Variants in FAM81A observed in about 807,000 individuals in gnomAD.
FAM81A encodes the protein protein FAM81A.
Under a neutral mutation model 46.7 loss-of-function variants are expected in FAM81A, and 19 were observed. The observed-to-expected ratio is 0.41, with a 90% CI of 0.28 to 0.60. FAM81A has a LOEUF of 0.60. FAM81A is among the 20% of genes least tolerant of loss of function. FAM81A has a pLI of 0.34. For missense variants in FAM81A, 377 were observed against 453.5 expected, an observed-to-expected ratio of 0.83 and a Z score of 1.53; for synonymous variants, 183 against 152.9, an observed-to-expected ratio of 1.20 and a Z score of -1.45.
intron 2 of FAM81A, chr15:59,402,388 C>G (rs2081075024): frequency 6.5e-6 from 1 of 152,894 alleles, no homozygotes; most frequent in South Asian, 2.1e-4. Flanking sequence ...GGAGAGTCTG[C>G]TTGTATTCTT....
At chr15:59,422,979 A>T (rs537178581) in intron 2 of FAM81A, among the ~76,000 whole-genome samples, 1 of 152,350 alleles carries the variant, frequency 6.6e-6, no homozygotes, top group Admixed American at 6.5e-5. Flanking sequence ...TAATGATAAT[A>T]ATGATAGTAA....
intron 1 of FAM81A, among the ~76,000 whole-genome samples, chr15:59,441,406 T>C (rs1201822280): frequency 6.6e-6 from 1 of 152,268 alleles, no homozygotes; most frequent in Non-Finnish European, 1.5e-5. Context: ...GTGTGGCTAG[T>C]ATGACTGAGG....
At chr15:59,451,564 T>C (rs1596480990) in intron 1 of FAM81A, among the ~76,000 whole-genome samples, 1 of 152,280 alleles carries the variant, frequency 6.6e-6, no homozygotes, top group East Asian at 1.9e-4. Context: ...GTGATTCTTC[T>C]GCCTGAGCCT....
chr15:59,491,232 A>G (rs547046915), intron 3 of FAM81A, among the ~76,000 whole-genome samples: 2 of 152,366 alleles, frequency 1.3e-5, no homozygotes, highest in African/African-American at 4.8e-5. Context: ...ATTCAGCCGT[A>G]AGAAAGAATG....
At chr15:59,509,943 A>G (rs2082187525) in intron 6 of FAM81A, among the ~76,000 whole-genome samples, 1 of 152,196 alleles carries the variant, frequency 6.6e-6, no homozygotes, top group African/African-American at 2.4e-5. Context: ...AGACAGAGTG[A>G]GAAGGCCCAA....
At chr15:59,487,502 CAAACTT>C in intron 3 of FAM81A, among the ~76,000 whole-genome samples, 1 of 151,196 alleles carries the variant, frequency 6.6e-6, no homozygotes, top group Non-Finnish European at 1.5e-5. Context: ...AACAAATTGA[CAAACTT>C]TAGCTAGACT....
At chr15:59,497,636 G>A (rs1215652031) in intron 4 of FAM81A, among the ~76,000 whole-genome samples, 8 of 151,968 alleles carry the variant, frequency 5.3e-5, no homozygotes, top group African/African-American at 1.7e-4. Context: ...TAGGAGGATT[G>A]CTTGAGGCCA....
chr15:59,475,899 T>C (rs1031617058), intron 3 of FAM81A, among the ~76,000 whole-genome samples: 2 of 152,166 alleles, frequency 1.3e-5, no homozygotes, highest in Non-Finnish European at 1.5e-5. Context: ...TAAAATGAAA[T>C]CATGATTGTC....
chr15:59,471,583 C>T (rs549601055), intron 3 of FAM81A, among the ~76,000 whole-genome samples: 1 of 152,178 alleles, frequency 6.6e-6, no homozygotes, highest in African/African-American at 2.4e-5. Flanking sequence ...CCACTTCAGC[C>T]TCTAAGTAGC....
At chr15:59,487,900 A>G (rs1034582029) in intron 3 of FAM81A, among the ~76,000 whole-genome samples, 2 of 152,178 alleles carry the variant, frequency 1.3e-5, no homozygotes, top group Admixed American at 6.5e-5. Context: ...AACTCATTCT[A>G]TGAGGCCAGT....
intron 2 of FAM81A, among the ~76,000 whole-genome samples, chr15:59,423,333 C>G (rs1354983916): frequency 6.6e-6 from 1 of 152,170 alleles, no homozygotes; most frequent in African/African-American, 2.4e-5. Flanking sequence ...CTCCTCACCT[C>G]GTGATCCGCC....
At chr15:59,480,846 A>C (rs1203473446) in intron 3 of FAM81A, among the ~76,000 whole-genome samples, 1 of 152,194 alleles carries the variant, frequency 6.6e-6, no homozygotes, top group Non-Finnish European at 1.5e-5. Context: ...CAAAGGAATT[A>C]CTTTTCTAAG....
At chr15:59,493,037 C>T (rs1463151901) in intron 4 of FAM81A, among the ~76,000 whole-genome samples, 3 of 152,114 alleles carry the variant, frequency 2.0e-5, no homozygotes, top group Admixed American at 1.3e-4. Context: ...CAAATTTGTC[C>T]GAAGTATTTA....
rs140893391 is a variant in FAM81A at position 59,487,979 on chromosome 15, A to G, written c.295-4292A>G. 4.0e-3 allele frequency among the ~76,000 whole-genome samples: 602 copies of G among 152,238 alleles called. 7 individuals are homozygous for G. Among genetic ancestry groups the G allele is most frequent in the African/African-American group, 0.014 (591 of 41,562 alleles). ...ACAACAACAAAAAAACAAAAAACCTACAGGCCAATATCCCTGTTGAACACT... is the reference window on the plus strand; with the variant it reads ...ACAACAACAAAAAAACAAAAAACCTGCAGGCCAATATCCCTGTTGAACACT... On this transcript the variant is annotated intron_variant, in intron 3 of 8. Coordinates refer to ENST00000288228, the MANE Select transcript of FAM81A (RefSeq NM_152450.3).
At chr15:59,440,924 T>A (rs2081290781) in intron 1 of FAM81A, among the ~76,000 whole-genome samples, 1 of 152,162 alleles carries the variant, frequency 6.6e-6, no homozygotes, top group East Asian at 1.9e-4. Flanking sequence ...CCTGCCACAT[T>A]ATCTAGGAGG....
At chr15:59,428,699 C>T (rs530905421) in intron 2 of FAM81A, among the ~76,000 whole-genome samples, 17 of 135,988 alleles carry the variant, frequency 1.3e-4, no homozygotes, top group African/African-American at 3.1e-4. Flanking sequence ...GGTACAATCT[C>T]GGCTCATTGC....
In FAM81A at chr15:59,474,360, C is replaced by A. The variant is rs149248841; in HGVS notation, c.294+14154C>A. On this transcript the variant is annotated intron_variant, in intron 3 of 8. Coordinates refer to ENST00000288228, the MANE Select transcript of FAM81A (RefSeq NM_152450.3). The stretch of plus-strand genomic sequence containing the variant: ...GTTCTGGAGGCTGGGAAGTCCAAGC[C>A]CAAGGCACTGGCATTTGGCATCTGG... Among the ~76,000 whole-genome samples the A allele has an allele frequency of 5.1e-3, 783 of 152,230 alleles. 7 individuals carry two copies. The highest frequency in any genetic ancestry group is 0.018 in the African/African-American group (737 of 41,536).
At chr15:59,432,260 G>A (rs2081223762) in intron 2 of FAM81A, among the ~76,000 whole-genome samples, 1 of 152,174 alleles carries the variant, frequency 6.6e-6, no homozygotes, top group Non-Finnish European at 1.5e-5. Context: ...TATTTGATTG[G>A]ATTTATCTGG....
At chr15:59,508,704 A>G (rs1317644155) in intron 5 of FAM81A, among the ~76,000 whole-genome samples, 159 bp from the exon 6 acceptor site, 1 of 152,208 alleles carries the variant, frequency 6.6e-6, no homozygotes, top group Non-Finnish European at 1.5e-5. Context: ...TATATAAGAA[A>G]GAAAATGGAG....
Sources: allele counts gnomAD v4.1 joint callset (sites outside exome capture counted in the v4.1 genomes callset), GRCh38; gene constraint gnomAD v4.1.1; transcripts MANE v1.5; gene names NCBI Gene and HGNC (gene_info 2026-07-23, HGNC 2026-07-21).